PAK1: variants seen among roughly 807,000 people sequenced by gnomAD.
PAK1 encodes serine/threonine-protein kinase PAK 1.
Under a neutral mutation model 67.4 loss-of-function variants are expected in PAK1, and 29 were observed. The ratio of observed to expected loss-of-function variants is 0.43; its 90% CI spans 0.32 to 0.59. The LOEUF is 0.59. PAK1 is among the 20% of genes least tolerant of loss of function. The pLI, the probability that PAK1 is intolerant of heterozygous loss-of-function variation, is 0.07. For synonymous variants in PAK1, 223 were observed against 237.4 expected, an observed-to-expected ratio of 0.94 and a Z score of 0.56; for missense variants, 337 against 670.7, an observed-to-expected ratio of 0.50 and a Z score of 5.50.
intron 1 of PAK1, among the ~76,000 whole-genome samples, chr11:77,440,949 A>G (rs1426341106): frequency 6.6e-6 from 1 of 152,158 alleles, no homozygotes; most frequent in Non-Finnish European, 1.5e-5. Context: ...GGGGATCCAT[A>G]TAGGCCAGGG....
chr11:77,372,577 G>A (rs1334431718), intron 5 of PAK1, among the ~76,000 whole-genome samples: 3 of 152,070 alleles, frequency 2.0e-5, no homozygotes, highest in East Asian at 3.8e-4. Context: ...ATGGTGACTC[G>A]GTATTGTGTT....
At chr11:77,478,851 C>T (rs536920867), upstream of PAK1, among the ~76,000 whole-genome samples, 3 of 147,904 alleles carry the variant, frequency 2.0e-5, no homozygotes, top group East Asian at 2.0e-4. Flanking sequence ...CCGAGGTGGG[C>T]GGATCATGAG....
chr11:77,483,927 G>A, the PAK1 span, among the ~76,000 whole-genome samples: 8 of 152,200 alleles, frequency 5.3e-5, no homozygotes, highest in South Asian at 2.1e-4. Context: ...AGAGCTTTAC[G>A]TTACACAAAG....
chr11:77,455,077 T>C (rs1957025514), intron 1 of PAK1, among the ~76,000 whole-genome samples: 1 of 152,180 alleles, frequency 6.6e-6, no homozygotes, highest in African/African-American at 2.4e-5. Context: ...ACTACCATGA[T>C]GGAAGCCGGC....
chr11:77,359,138 C>T (rs1424123034), intron 5 of PAK1, 121 bp from the exon 6 acceptor site: 1 of 815,948 alleles, frequency 1.2e-6, no homozygotes, highest in Non-Finnish European at 1.9e-6. Flanking sequence ...ACACATTAGC[C>T]TCCAAGCTCT....
At chr11:77,490,272 A>G in the PAK1 span, among the ~76,000 whole-genome samples, 170 of 122,762 alleles carry the variant, frequency 1.4e-3, 3 homozygotes, top group African/African-American at 5.3e-3. Flanking sequence ...GCCCCGTCTC[A>G]GAGGGAGGTG....
intron 1 of PAK1, chr11:77,456,069 T>G (rs1438043489): frequency 6.6e-6 from 1 of 151,982 alleles, no homozygotes; most frequent in African/African-American, 2.4e-5. Flanking sequence ...TCTTAAAGAG[T>G]TGGAAATGAT....
the PAK1 span, among the ~76,000 whole-genome samples, chr11:77,506,878 A>G: frequency 1.3e-5 from 2 of 152,040 alleles, no homozygotes; most frequent in Non-Finnish European, 2.9e-5. Flanking sequence ...AGCAAGGGAT[A>G]AAAACAGTGA....
intron 1 of PAK1, among the ~76,000 whole-genome samples, chr11:77,394,739 G>A (rs898274699): frequency 3.9e-5 from 6 of 152,152 alleles, no homozygotes; most frequent in African/African-American, 1.4e-4. Context: ...CAGCTACTCA[G>A]GAGGCTGAGG....
At chr11:77,408,472 G>A (rs1953972842) in intron 1 of PAK1, among the ~76,000 whole-genome samples, 1 of 151,710 alleles carries the variant, frequency 6.6e-6, no homozygotes, top group South Asian at 2.1e-4. Context: ...AGGATGGGGA[G>A]AAAGAGGAAC....
chr11:77,497,185 C>T, the PAK1 span, among the ~76,000 whole-genome samples: 3 of 152,212 alleles, frequency 2.0e-5, no homozygotes, highest in Non-Finnish European at 4.4e-5. Flanking sequence ...GGAAGGTGTG[C>T]CCAGGTCCTT....
At chr11:77,355,614 G>A (rs1945920551) in intron 7 of PAK1, 54 bp downstream of exon 7, 4 of 1,450,978 alleles carry the variant, frequency 2.8e-6, no homozygotes, top group Non-Finnish European at 3.8e-6. Flanking sequence ...GCAAATCTCT[G>A]TGCTTGACCA....
chr11:77,501,409 T>G, the PAK1 span, among the ~76,000 whole-genome samples: 2 of 152,222 alleles, frequency 1.3e-5, no homozygotes, highest in Non-Finnish European at 2.9e-5. Context: ...CTACTCCCTG[T>G]GGTGGCATCT....
At chr11:77,421,715 T>TAA (rs1178097037) in intron 1 of PAK1, among the ~76,000 whole-genome samples, 1 of 152,240 alleles carries the variant, frequency 6.6e-6, no homozygotes, top group Non-Finnish European at 1.5e-5. Flanking sequence ...GATGCAGTCT[T>TAA]AGAGTGGCCT....
In PAK1 at chr11:77,331,112, G is replaced by A. The variant is rs189162557; in HGVS notation, c.1551+1618C>T. On this transcript the variant is annotated intron_variant, in intron 14 of 14. Coordinates refer to ENST00000356341, the MANE Select transcript of PAK1 (RefSeq NM_002576.5). Reference sequence around the variant, plus strand: ...ACCATCTCACACCAGTTAGAATGGCGATCATTAAAAAGTCAGGAAACAACA... The same window carrying A: ...ACCATCTCACACCAGTTAGAATGGCAATCATTAAAAAGTCAGGAAACAACA... Among the ~76,000 whole-genome samples the A allele has an allele frequency of 2.9e-3, 439 of 152,242 alleles. 4 individuals carry two copies. Among genetic ancestry groups the A allele is most frequent in the African/African-American group, 9.9e-3 (411 of 41,538 alleles).
Position 77,355,779 on chromosome 11 carries a change from G to A in PAK1, c.661C>T (p.Pro221Ser), listed in dbSNP as rs779095416. 8.1e-6 allele frequency: 13 copies of A among 1,613,498 alleles called. No homozygotes were observed. Among genetic ancestry groups the A allele is most frequent in the East Asian group, 6.7e-5 (3 of 44,880 alleles). The part of the protein sequence containing the change: ...VTPTRDVATS[P>S]ISPTENNTTP... Reference sequence around the variant, plus strand: ...GTGTTATTTTCAGTAGGTGAAATGGGAGATGTAGCCACGTCCCGAGTTGGA... The same window carrying A: ...GTGTTATTTTCAGTAGGTGAAATGGAAGATGTAGCCACGTCCCGAGTTGGA... The change falls in exon 7 of 15, where the codon CCC becomes TCC. Residue 221 changes from proline (P) to serine (S), a missense_variant. Physicochemically the swap from Pro to Ser is moderately conservative, Grantham distance 74. Coordinates refer to ENST00000356341, the MANE Select transcript of PAK1 (RefSeq NM_002576.5).
chr11:77,518,522 T>C, the PAK1 span, among the ~76,000 whole-genome samples: 4 of 152,170 alleles, frequency 2.6e-5, no homozygotes, highest in Admixed American at 1.3e-4. Context: ...AATTAGTATG[T>C]TTTTTATGCA....
intron 1 of PAK1, among the ~76,000 whole-genome samples, chr11:77,464,812 T>C (rs1223923011): frequency 1.3e-5 from 2 of 152,262 alleles, no homozygotes; most frequent in African/African-American, 4.8e-5. Context: ...TTTAATAAAG[T>C]GATGAATATC....
chr11:77,476,394 G>A (rs1286544669), upstream of PAK1: 1 of 152,120 alleles, frequency 6.6e-6, no homozygotes, highest in Non-Finnish European at 1.5e-5. Context: ...GTCTTTTCGT[G>A]ATCTCTGCAC....
Sources: gnomAD v4.1 joint callset for allele counts (sites outside exome capture counted in the v4.1 genomes callset) on GRCh38, gnomAD v4.1.1 for gene constraint, MANE v1.5 for transcripts, NCBI Gene and HGNC (gene_info 2026-07-23, HGNC 2026-07-21) for gene names.